Variants in DRC11 observed in about 807,000 individuals in gnomAD.
DRC11 encodes IQ and AAA domain-containing protein 1.
the DRC11 span, chr2:236,324,510 C>T: frequency 2.3e-3 from 1,225 of 526,806 alleles, 10 homozygotes; most frequent in African/African-American, 0.021. This position sits in a 1 kb window ranked among gnomAD's most constrained non-coding sequence, Gnocchi z 5.7. Context: ...CAGTGGTTAG[C>T]GGGTTTGCGG....
At chr2:236,471,508 A>G in the DRC11 span, among the ~76,000 whole-genome samples, 1 of 152,218 alleles carries the variant, frequency 6.6e-6, no homozygotes, top group African/African-American at 2.4e-5. This position sits in a 1 kb window ranked among gnomAD's most constrained non-coding sequence, Gnocchi z 4.6. Flanking sequence ...CAATTTAAGA[A>G]GGACTTTTGA....
chr2:236,452,280 G>C, the DRC11 span, among the ~76,000 whole-genome samples: 1 of 152,196 alleles, frequency 6.6e-6, no homozygotes, highest in East Asian at 1.9e-4. The surrounding 1 kb of genome is among the most constrained non-coding windows in gnomAD (Gnocchi z 4.7). Flanking sequence ...TTAGAAAGCA[G>C]AGCTACTACA....
chr2:236,379,878 G>A, the DRC11 span, among the ~76,000 whole-genome samples: 1 of 151,388 alleles, frequency 6.6e-6, no homozygotes, highest in African/African-American at 2.4e-5. Context: ...AAACAGGGGA[G>A]CGACAGGACC....
the DRC11 span, among the ~76,000 whole-genome samples, chr2:236,493,148 A>AGAAGAGAATGAGAGC: frequency 6.6e-6 from 1 of 152,168 alleles, no homozygotes; most frequent in African/African-American, 2.4e-5. Flanking sequence ...GGCAGACAAG[A>AGAAGAGAATGAGAGC]CAGTTTGTGC....
the DRC11 span, among the ~76,000 whole-genome samples, chr2:236,369,796 G>A: frequency 1.4e-4 from 22 of 152,282 alleles, no homozygotes; most frequent in African/African-American, 2.9e-4. The surrounding 1 kb of genome is among the most constrained non-coding windows in gnomAD (Gnocchi z 4.5). Flanking sequence ...CTTCCCATCC[G>A]TGCATTCGGA....
At chr2:236,429,316 T>C in the DRC11 span, among the ~76,000 whole-genome samples, 1 of 152,200 alleles carries the variant, frequency 6.6e-6, no homozygotes, top group Non-Finnish European at 1.5e-5. This position sits in a 1 kb window ranked among gnomAD's most constrained non-coding sequence, Gnocchi z 5.9. Flanking sequence ...GCAGCTTGCA[T>C]ATGCATAATT....
the DRC11 span, among the ~76,000 whole-genome samples, chr2:236,330,790 G>A: frequency 1.3e-5 from 2 of 152,278 alleles, no homozygotes; most frequent in African/African-American, 2.4e-5. This position sits in a 1 kb window ranked among gnomAD's most constrained non-coding sequence, Gnocchi z 5.5. Flanking sequence ...AGTGCCTGCT[G>A]GCCTGGGCAC....
the DRC11 span, among the ~76,000 whole-genome samples, chr2:236,338,839 A>T: frequency 6.6e-6 from 1 of 152,222 alleles, no homozygotes; most frequent in Non-Finnish European, 1.5e-5. Context: ...TAAGGCTGTG[A>T]AACTTATCTC....
chr2:236,462,314 T>C, the DRC11 span, among the ~76,000 whole-genome samples: 1 of 152,020 alleles, frequency 6.6e-6, no homozygotes, highest in Non-Finnish European at 1.5e-5. This position sits in a 1 kb window ranked among gnomAD's most constrained non-coding sequence, Gnocchi z 6.4. Flanking sequence ...AACCATGGGC[T>C]GCAAAGGAAG....
the DRC11 span, among the ~76,000 whole-genome samples, chr2:236,340,384 A>G: frequency 6.6e-6 from 1 of 152,200 alleles, no homozygotes; most frequent in Admixed American, 6.5e-5. Flanking sequence ...TCGGCCTCCC[A>G]AAGTGCTGGG....
the DRC11 span, among the ~76,000 whole-genome samples, chr2:236,366,844 CTT>C: frequency 6.9e-5 from 10 of 145,140 alleles, no homozygotes; most frequent in African/African-American, 2.3e-4. Context: ...CTCTTTCTCT[CTT>C]TCTTTCGATG....
the DRC11 span, among the ~76,000 whole-genome samples, chr2:236,416,768 T>TATATATAA: frequency 3.6e-4 from 33 of 92,934 alleles, 2 homozygotes; most frequent in South Asian, 1.2e-3. Flanking sequence ...TATATATATA[T>TATATATAA]AAATAATTTT....
At chr2:236,497,959 C>T in the DRC11 span, among the ~76,000 whole-genome samples, 1 of 152,228 alleles carries the variant, frequency 6.6e-6, no homozygotes, top group East Asian at 1.9e-4. This position sits in a 1 kb window ranked among gnomAD's most constrained non-coding sequence, Gnocchi z 5.1. Context: ...AAATATGCAT[C>T]AAGAATGATC....
At chr2:236,362,549 C>T in the DRC11 span, among the ~76,000 whole-genome samples, 255 of 152,178 alleles carry the variant, frequency 1.7e-3, 1 homozygote, top group African/African-American at 4.9e-3. This position sits in a 1 kb window ranked among gnomAD's most constrained non-coding sequence, Gnocchi z 5.7. Context: ...ATACAAAATA[C>T]GTGTTATTCA....
At chr2:236,366,909 C>T in the DRC11 span, among the ~76,000 whole-genome samples, 1 of 151,526 alleles carries the variant, frequency 6.6e-6, no homozygotes, top group East Asian at 1.9e-4. Context: ...TCCCGGGTTC[C>T]AGCAATTTTC....
the DRC11 span, among the ~76,000 whole-genome samples, chr2:236,373,236 A>G: frequency 6.6e-6 from 1 of 150,486 alleles, no homozygotes; most frequent in Non-Finnish European, 1.5e-5. Context: ...CACGTCTTCT[A>G]TAATTCTTTA....
At chr2:236,422,464 G>T in the DRC11 span, among the ~76,000 whole-genome samples, 1 of 152,142 alleles carries the variant, frequency 6.6e-6, no homozygotes, top group Non-Finnish European at 1.5e-5. Flanking sequence ...GCTTCAAAGA[G>T]AATAAAATAT....
At chr2:236,345,682 T>C in the DRC11 span, among the ~76,000 whole-genome samples, 7 of 152,176 alleles carry the variant, frequency 4.6e-5, no homozygotes, top group African/African-American at 1.7e-4. Context: ...CCTGGGCCCA[T>C]GAATAATTGC....
At chr2:236,448,090 A>G in the DRC11 span, among the ~76,000 whole-genome samples, 1 of 152,234 alleles carries the variant, frequency 6.6e-6, no homozygotes. This position sits in a 1 kb window ranked among gnomAD's most constrained non-coding sequence, Gnocchi z 5.3. Flanking sequence ...ATTTTGTGTT[A>G]AAATTGTTTT....
Sources: allele counts gnomAD v4.1 joint callset (sites outside exome capture counted in the v4.1 genomes callset), GRCh38; gene constraint gnomAD v4.1.1; non-coding constraint Gnocchi (gnomAD v3.1); transcripts MANE v1.5; gene names NCBI Gene and HGNC (gene_info 2026-07-23, HGNC 2026-07-21).